ECE1: variants seen among roughly 807,000 people sequenced by gnomAD.
The protein encoded by ECE1 is endothelin converting enzyme 1.
A neutral mutation model predicts 98.6 loss-of-function variants in ECE1; 35 were observed. The observed-to-expected ratio is 0.35, with a 90% CI of 0.27 to 0.47. The LOEUF is 0.47. ECE1 is among the 20% of genes least tolerant of loss of function. The probability of loss-of-function intolerance (pLI) is 1.00; values close to 1 mark genes in which losing one functional copy is unlikely to be tolerated. For missense variants in ECE1, 814 were observed against 1,025.3 expected (o/e 0.79, Z 2.81); for synonymous variants, 394 against 407.1 (o/e 0.97, Z 0.39).
Position 21,276,682 on chromosome 1 carries a change from TTC to T in ECE1, c.280+2507_280+2508del, listed in dbSNP as rs1178785286. Among the ~76,000 whole-genome samples the T allele has an allele frequency of 1.0e-3, 143 of 142,934 alleles. 2 individuals carry two copies. Among genetic ancestry groups the T allele is most frequent in the African/African-American group, 2.7e-3 (107 of 39,492 alleles). 93.8% of individuals were successfully genotyped at this position (142,934 alleles called of 152,430 possible). ...GGCCTTCAGAATCATCAGATTTGCT[TTC>T]TTTTTTTTTTTTTTTTTTTGAGACG... On this transcript the variant is annotated intron_variant, in intron 3 of 18. Transcript: ENST00000374893.
chr1:21,344,440 T>C (rs112564715), intron 1 of ECE1, among the ~76,000 whole-genome samples: 2 of 152,256 alleles, frequency 1.3e-5, no homozygotes, highest in African/African-American at 4.8e-5. Flanking sequence ...TCCGAGTGGC[T>C]CGTCTATAGG....
chr1:21,314,084 T>C (rs983412991), intron 1 of ECE1, among the ~76,000 whole-genome samples: 4 of 152,246 alleles, frequency 2.6e-5, no homozygotes, highest in African/African-American at 7.2e-5. Context: ...TGCTAAGCAC[T>C]TTACGTGTGT....
At chr1:21,311,308 C>T (rs1638717400) in intron 1 of ECE1, among the ~76,000 whole-genome samples, 1 of 151,988 alleles carries the variant, frequency 6.6e-6, no homozygotes, top group Non-Finnish European at 1.5e-5. Flanking sequence ...CCTCCTCTGT[C>T]CACCCATTTA....
Position 21,219,694 on chromosome 1 carries a change from G to C in ECE1, c.*261C>G, listed in dbSNP as rs2098164913. 3.7e-6 allele frequency: 2 copies of C among 541,436 alleles called. No individual in the cohort carries two copies. Among genetic ancestry groups the C allele is most frequent in the African/African-American group, 3.8e-5 (2 of 52,878 alleles). 33.5% of individuals were successfully genotyped at this position (541,436 alleles called of 1,614,324 possible). A position where few individuals can be genotyped will look rare whatever the true frequency, so the allele number is the denominator to read the frequency against. ...GCTTGTCAGTGTGGGGCCCAGGCCT[G>C]ATGAGCCACCAGCCCAGCACCCGAA... On this transcript the variant is annotated 3_prime_UTR_variant, in exon 19 of 19. Transcript: ENST00000374893. The surrounding 1 kb of genome is among the most constrained non-coding windows in gnomAD (Gnocchi z 4.5).
chr1:21,244,418 G>A (rs1357492182), intron 10 of ECE1, among the ~76,000 whole-genome samples: 2 of 152,202 alleles, frequency 1.3e-5, no homozygotes, highest in Non-Finnish European at 2.9e-5. Context: ...GAGTGAGAGG[G>A]TGACAGCCAC....
At chr1:21,302,782 A>G (rs1438567727) in intron 1 of ECE1, among the ~76,000 whole-genome samples, 1 of 152,132 alleles carries the variant, frequency 6.6e-6, no homozygotes, top group Non-Finnish European at 1.5e-5. Flanking sequence ...ACGGAAATGT[A>G]GCAGTGTTTT....
intron 4 of ECE1, among the ~76,000 whole-genome samples, chr1:21,264,313 C>G (rs549353619): frequency 1.8e-3 from 136 of 75,510 alleles, no homozygotes; most frequent in African/African-American, 7.0e-3. Flanking sequence ...ACCAATTCCC[C>G]CCCCCCCTTT....
At chr1:21,333,765 T>G (rs369923993) in intron 1 of ECE1, among the ~76,000 whole-genome samples, 1 of 151,060 alleles carries the variant, frequency 6.6e-6, no homozygotes, top group Non-Finnish European at 1.5e-5. Flanking sequence ...ACCCAGGAGG[T>G]GGAGGTTGTA....
intron 4 of ECE1, among the ~76,000 whole-genome samples, chr1:21,261,981 A>G (rs2098227611): frequency 6.6e-6 from 1 of 152,174 alleles, no homozygotes; most frequent in African/African-American, 2.4e-5. Flanking sequence ...AAAGGACATG[A>G]GTCACTTCCT....
At chr1:21,335,837 C>T (rs1012247744) in intron 1 of ECE1, among the ~76,000 whole-genome samples, 2 of 152,180 alleles carry the variant, frequency 1.3e-5, no homozygotes, top group Non-Finnish European at 1.5e-5. Flanking sequence ...CTTCGACCCA[C>T]CCAGTGCTTG....
Position 21,256,515 on chromosome 1 carries a change from G to A in ECE1, c.829-377C>T, listed in dbSNP as rs575245970. 8.6e-5 allele frequency among the ~76,000 whole-genome samples: 13 copies of A among 151,986 alleles called. No homozygotes were observed. The South Asian group carries it at 2.5e-3, about 29-fold the overall frequency. On this transcript the variant is annotated intron_variant, in intron 7 of 18. Coordinates refer to ENST00000374893, the MANE Select transcript of ECE1 (RefSeq NM_001397.3). ...AGGTTGCAGTGAGCCCAGATTGTGC[G>A]CCATGGCACTCTAGCCTGGGCGGCA...
chr1:21,333,396 G>C (rs907332527), intron 1 of ECE1, among the ~76,000 whole-genome samples: 16 of 152,156 alleles, frequency 1.1e-4, no homozygotes, highest in African/African-American at 3.6e-4. Flanking sequence ...CTCAAATATA[G>C]TGGGGAAATA....
chr1:21,229,631 C>A (rs2098179169), intron 14 of ECE1, among the ~76,000 whole-genome samples: 1 of 152,102 alleles, frequency 6.6e-6, no homozygotes, highest in African/African-American at 2.4e-5. Context: ...CTTATATTGG[C>A]CACCACAAGT....
Position 21,233,540 on chromosome 1 carries a change from G to A in ECE1, c.1670+18C>T, listed in dbSNP as rs758758889. The A allele has an allele frequency of 2.7e-5, 43 of 1,611,460 alleles. No individual in the cohort carries two copies. Among genetic ancestry groups the A allele is most frequent in the Non-Finnish European group, 3.6e-5 (42 of 1,178,750 alleles). On this transcript the variant is annotated intron_variant, in intron 14 of 18. Transcript: ENST00000374893. This position sits in a 1 kb window ranked among gnomAD's most constrained non-coding sequence, Gnocchi z 4.0. The stretch of plus-strand genomic sequence containing the variant: ...GTGGGGAGCTGGCACCTTGCCGGCA[G>A]GGCCTGGGGGAACTCACTGATCTCT...
At position 21,297,682 on chromosome 1, in the gene ECE1, G is replaced by A. The variant is rs375510232; in HGVS notation, c.4-7526C>T. 2.1e-3 allele frequency among the ~76,000 whole-genome samples: 310 copies of A among 145,850 alleles called. 1 individual carries two copies. The highest frequency in any genetic ancestry group is 7.5e-3 in the African/African-American group (295 of 39,536). Reference sequence around the variant, plus strand: ...CTCCCGAGTAGCTGGGACTACAGGCGCCCGCCACCATGCCCGGCTAATTTT... The same window carrying A: ...CTCCCGAGTAGCTGGGACTACAGGCACCCGCCACCATGCCCGGCTAATTTT... On this transcript the variant is annotated intron_variant, in intron 1 of 18. Coordinates refer to the ECE1 transcript ENST00000415912.
chr1:21,278,429 G>C (rs539369001), intron 3 of ECE1, among the ~76,000 whole-genome samples: 1 of 152,254 alleles, frequency 6.6e-6, no homozygotes, highest in Non-Finnish European at 1.5e-5. Flanking sequence ...TGGGCAGCTG[G>C]ATCTGGAAGG....
chr1:21,251,357 A>G (rs2098212601), intron 8 of ECE1, among the ~76,000 whole-genome samples: 1 of 151,910 alleles, frequency 6.6e-6, no homozygotes, highest in African/African-American at 2.4e-5. Context: ...TGCTAAAAGT[A>G]TAAAAAAATT....
chr1:21,229,297 C>A (rs768788414), intron 14 of ECE1, among the ~76,000 whole-genome samples: 1 of 151,994 alleles, frequency 6.6e-6, no homozygotes, highest in Non-Finnish European at 1.5e-5. Flanking sequence ...TATCCTCCCA[C>A]CTCAGCCTCT....
At chr1:21,342,140 G>C (rs1639410440) in intron 1 of ECE1, among the ~76,000 whole-genome samples, 1 of 152,170 alleles carries the variant, frequency 6.6e-6, no homozygotes, top group Non-Finnish European at 1.5e-5. Context: ...CTCAACTGCT[G>C]TATAGTAAAG....
Sources: allele counts gnomAD v4.1 joint callset (sites outside exome capture counted in the v4.1 genomes callset), GRCh38; gene constraint gnomAD v4.1.1; non-coding constraint Gnocchi (gnomAD v3.1); transcripts MANE v1.5; gene names NCBI Gene and HGNC (gene_info 2026-07-23, HGNC 2026-07-21).